Variants in GRIA1 observed in about 807,000 individuals in gnomAD.
The protein encoded by GRIA1 is glutamate ionotropic receptor AMPA type subunit 1.
In GRIA1, 31 loss-of-function variants were observed where a neutral mutation model predicts 99.2. The ratio of observed to expected loss-of-function variants is 0.31; its 90% CI spans 0.23 to 0.42. The LOEUF is 0.42. Ranked by LOEUF, GRIA1 falls within the 10% of genes least tolerant of loss-of-function variation. The pLI is 1.00. For missense variants in GRIA1, 782 were observed against 1,157.5 expected (o/e 0.68, Z 4.71); for synonymous variants, 438 against 432.4 (o/e 1.01, Z -0.16).
At chr5:153,690,129 A>G (rs1757641411) in intron 8 of GRIA1, among the ~76,000 whole-genome samples, 1 of 152,106 alleles carries the variant, frequency 6.6e-6, no homozygotes. Flanking sequence ...ACAGAGATGA[A>G]GCCTAGGAAT....
At chr5:153,674,717 A>C (rs960417809) in intron 6 of GRIA1, 56 bp downstream of exon 6, 9 of 1,551,384 alleles carry the variant, frequency 5.8e-6, no homozygotes, top group Non-Finnish European at 7.1e-6. Context: ...TGCCTGCCCC[A>C]GATTTCTGAG....
At chr5:153,551,453 C>T (rs1233377337) in intron 2 of GRIA1, among the ~76,000 whole-genome samples, 1 of 151,638 alleles carries the variant, frequency 6.6e-6, no homozygotes, top group Non-Finnish European at 1.5e-5. Context: ...TTCATGTGAC[C>T]ACTCTCCATT....
chr5:153,678,674 C>T (rs953611667), intron 7 of GRIA1, among the ~76,000 whole-genome samples: 3 of 152,228 alleles, frequency 2.0e-5, no homozygotes, highest in African/African-American at 4.8e-5. Flanking sequence ...AGAGATTTGT[C>T]CTCAGCTTCA....
At chr5:153,807,204 G>A (rs1766490228) in intron 15 of GRIA1, among the ~76,000 whole-genome samples, 1 of 152,202 alleles carries the variant, frequency 6.6e-6, no homozygotes, top group Non-Finnish European at 1.5e-5. Context: ...ATAGTGGGAA[G>A]GCACCCTACA....
intron 11 of GRIA1, among the ~76,000 whole-genome samples, chr5:153,749,941 C>T (rs949668337): frequency 2.6e-5 from 4 of 152,136 alleles, no homozygotes; most frequent in African/African-American, 9.7e-5. Flanking sequence ...TTCCTTAGAG[C>T]TTGTTGTCTA....
intron 2 of GRIA1, among the ~76,000 whole-genome samples, chr5:153,590,697 T>A (rs1025970355): frequency 2.0e-5 from 3 of 152,258 alleles, no homozygotes; most frequent in African/African-American, 2.4e-5. Context: ...TAAAAAAAAA[T>A]TTGTGAAACA....
At chr5:153,569,563 G>GAT (rs143137811) in intron 2 of GRIA1, among the ~76,000 whole-genome samples, 3,039 of 152,322 alleles carry the variant, frequency 0.02, 107 homozygotes, top group African/African-American at 0.068. Context: ...CTGAACCTGG[G>GAT]ATAGCCCAGA....
chr5:153,668,371 G>A (rs987863022), intron 5 of GRIA1, among the ~76,000 whole-genome samples: 2 of 152,104 alleles, frequency 1.3e-5, no homozygotes, highest in Non-Finnish European at 2.9e-5. Flanking sequence ...ATTTTATATG[G>A]CTCATGAGCT....
chr5:153,571,849 A>G (rs1262345105), intron 2 of GRIA1, among the ~76,000 whole-genome samples: 1 of 152,204 alleles, frequency 6.6e-6, no homozygotes, highest in Non-Finnish European at 1.5e-5. Flanking sequence ...CTTGCTTCCC[A>G]TGGGCTGTTG....
intron 11 of GRIA1, among the ~76,000 whole-genome samples, chr5:153,724,546 G>T (rs1469437027): frequency 1.3e-5 from 2 of 152,212 alleles, no homozygotes; most frequent in Non-Finnish European, 2.9e-5. Flanking sequence ...ACAGAGAAGT[G>T]CTCAAAGGAG....
chr5:153,670,374 A>G (rs970729570), intron 5 of GRIA1, among the ~76,000 whole-genome samples: 17 of 152,146 alleles, frequency 1.1e-4, no homozygotes, highest in Non-Finnish European at 2.9e-5. Flanking sequence ...TTAGACCTGC[A>G]TTCTTGTGCT....
intron 11 of GRIA1, among the ~76,000 whole-genome samples, chr5:153,738,716 C>T (rs1194599585): frequency 1.3e-5 from 1 of 76,498 alleles, no homozygotes; most frequent in African/African-American, 5.9e-5. Context: ...CATCTCCATA[C>T]CTTCTTTTTT....
chr5:153,759,826 C>T (rs1763063115), intron 11 of GRIA1, among the ~76,000 whole-genome samples: 1 of 152,020 alleles, frequency 6.6e-6, no homozygotes, highest in African/African-American at 2.4e-5. Flanking sequence ...AATTCAACAG[C>T]ACATTAAAAA....
Position 153,686,861 on chromosome 5 carries a change from G to A in GRIA1, c.1134+532G>A, listed in dbSNP as rs1024333990. 5.3e-5 allele frequency among the ~76,000 whole-genome samples: 8 copies of A among 152,058 alleles called. 1 individual carries two copies. Among genetic ancestry groups the A allele is most frequent in the Admixed American group, 2.0e-4 (3 of 15,272 alleles). On this transcript the variant is annotated intron_variant, in intron 8 of 15. Transcript: ENST00000285900. Reference sequence around the variant, plus strand: ...ATTCAAATCCTTGGAATAACATTTCGAATTCTACCAGAACCTATGTGCCCG... The same window carrying A: ...ATTCAAATCCTTGGAATAACATTTCAAATTCTACCAGAACCTATGTGCCCG...
intron 11 of GRIA1, among the ~76,000 whole-genome samples, chr5:153,728,664 C>A (rs1334593908): frequency 1.0e-5 from 1 of 98,352 alleles, no homozygotes; most frequent in African/African-American, 4.3e-5. Context: ...CAGAGAAATG[C>A]AAATCAAAAC....
At chr5:153,535,017 G>A (rs368828373) in intron 2 of GRIA1, among the ~76,000 whole-genome samples, 1 of 152,052 alleles carries the variant, frequency 6.6e-6, no homozygotes. Context: ...TACCTCCTGG[G>A]TTCAAGCAAT....
chr5:153,673,441 T>C (rs1321444488), intron 5 of GRIA1, among the ~76,000 whole-genome samples: 1 of 152,246 alleles, frequency 6.6e-6, no homozygotes, highest in African/African-American at 2.4e-5. Flanking sequence ...CCCACTAGAA[T>C]ATAAGCTCCA....
chr5:153,685,484 T>G (rs751128610), intron 7 of GRIA1, among the ~76,000 whole-genome samples: 10 of 152,232 alleles, frequency 6.6e-5, no homozygotes, highest in Non-Finnish European at 1.3e-4. Context: ...CAACTGAGAT[T>G]TCTTTAACAC....
chr5:153,645,347 C>T (rs1307558884), intron 2 of GRIA1, among the ~76,000 whole-genome samples: 1 of 152,106 alleles, frequency 6.6e-6, no homozygotes, highest in South Asian at 2.1e-4. Flanking sequence ...GAGATTATGA[C>T]CTTTAAAGCC....
Sources: gnomAD v4.1 joint callset for allele counts (sites outside exome capture counted in the v4.1 genomes callset) on GRCh38, gnomAD v4.1.1 for gene constraint, MANE v1.5 for transcripts, NCBI Gene and HGNC (gene_info 2026-07-23, HGNC 2026-07-21) for gene names.